KYNU: variants seen among roughly 807,000 people sequenced by gnomAD.
KYNU encodes the protein kynureninase, also known as L-kynurenine hydrolase.
KYNU carries 54 observed loss-of-function variants against 59.2 expected under a neutral mutation model. The ratio of observed to expected loss-of-function variants is 0.91; its 90% CI spans 0.73 to 1.14. The LOEUF (loss-of-function observed/expected upper bound fraction) is 1.14, where lower values mean the gene tolerates loss of function less well. KYNU is among the 50% of genes most tolerant of loss of function. The pLI, the probability that KYNU is intolerant of heterozygous loss-of-function variation, is 0.00. For missense variants in KYNU, 567 were observed against 554.4 expected (o/e 1.02, Z -0.23); for synonymous variants, 177 against 192.0 (o/e 0.92, Z 0.65).
rs1687018036 is a variant in KYNU, at chr2:143,040,622, A to C, written c.1236A>C (p.Lys412Asn). 6.2e-7 allele frequency: 1 copy of C among 1,607,616 alleles called. No homozygotes were observed. Among genetic ancestry groups the C allele is most frequent in the Non-Finnish European group, 8.5e-7 (1 of 1,176,512 alleles). The change falls in exon 13 of 14, where the codon AAA (lysine) becomes AAC (asparagine). Residue 412 changes from lysine (K) to asparagine (N), a missense_variant. Physicochemically the swap from Lys to Asn is moderately conservative, Grantham distance 94. Transcript: ENST00000264170. ...QLTITFSVPN[K>N]DVFQELEKRG... ...CAATAACATTTTCTGTTCCAAACAA[A>C]GATGTTTTCCAAGAACTAGAAAAAA...
chr2:142,992,605 G>T (rs987430098), intron 10 of KYNU, among the ~76,000 whole-genome samples: 1 of 151,520 alleles, frequency 6.6e-6, no homozygotes, highest in Admixed American at 6.6e-5. Context: ...AAGGACTTTG[G>T]ATATGTCTGT....
In KYNU at chr2:143,055,003, C is replaced by T. The variant is rs1687330231; in HGVS notation, c.*12831C>T. 6.6e-6 allele frequency: 1 copy of T among 151,668 alleles called. No individual in the cohort carries two copies. Among genetic ancestry groups the T allele is most frequent in the Admixed American group, 6.6e-5 (1 of 15,244 alleles). 9.4% of individuals were successfully genotyped at this position (151,668 alleles called of 1,614,324 possible). A position where few individuals can be genotyped will look rare whatever the true frequency, so the allele number is the denominator to read the frequency against. On this transcript the variant is annotated 3_prime_UTR_variant, in exon 14 of 14. Transcript: ENST00000264170. ...ATAATAGTATTGTGGGAGTAAGAAG[C>T]TATTCATATTTCTATATATATATAC...
chr2:143,040,611 G>T lies in KYNU; in HGVS notation c.1225G>T (p.Val409Phe). The T allele has an allele frequency of 2.5e-5, 41 of 1,610,236 alleles. No individual in the cohort carries two copies. Among genetic ancestry groups the T allele is most frequent in the Non-Finnish European group, 3.5e-5 (41 of 1,177,936 alleles). The change falls in exon 13 of 14, where the codon GTT becomes TTT. Residue 409 changes from valine (V) to phenylalanine (F), a missense_variant. By Grantham distance (50) the Val-to-Phe change is conservative. Transcript: ENST00000264170. ...GTGCCAGCTAACAATAACATTTTCT[G>T]TTCCAAACAAAGATGTTTTCCAAGA... Reference protein sequence around the residue: ...RGCQLTITFSVPNKDVFQELE... With the variant: ...RGCQLTITFSFPNKDVFQELE...
intron 5 of KYNU, 142 bp downstream of exon 5, chr2:142,955,013 T>C: frequency 1.6e-6 from 1 of 635,636 alleles, no homozygotes; most frequent in Non-Finnish European, 2.8e-6. Context: ...TAGGAAATGC[T>C]GGACCATGAT....
At chr2:142,941,191 A>G (rs1683587985) in intron 4 of KYNU, among the ~76,000 whole-genome samples, 1 of 152,204 alleles carries the variant, frequency 6.6e-6, no homozygotes. Flanking sequence ...GATGTCTCTC[A>G]GGGCCCCAAC....
intron 4 of KYNU, among the ~76,000 whole-genome samples, chr2:142,938,375 G>A (rs190286073): frequency 6.6e-6 from 1 of 152,308 alleles, no homozygotes; most frequent in East Asian, 1.9e-4. Flanking sequence ...TAGACTCAGA[G>A]ATACTCCACC....
rs1191491241 is a variant in KYNU, at chr2:143,042,331, G to A, written c.*159G>A. On this transcript the variant is annotated 3_prime_UTR_variant, in exon 14 of 14. Transcript: ENST00000264170. ...AGAAAATCTGATATAATTTTTCAGA[G>A]TCTGTGGCACTAAGGAGTCCACAGG... The A allele has an allele frequency of 1.1e-5, 9 of 797,278 alleles. No individual in the cohort carries two copies. The Admixed American group carries it at 2.3e-4, about 20-fold the overall frequency. The allele number at this position is 797,278 out of a possible 1,614,324, so 49.4% of individuals were successfully genotyped here.
intron 4 of KYNU, chr2:142,954,051 G>A (rs1684084104): frequency 6.6e-6 from 1 of 152,006 alleles, no homozygotes; most frequent in Non-Finnish European, 1.5e-5. Flanking sequence ...ACATCATAAG[G>A]ACTCAAAACA....
chr2:143,050,364 C>T lies in KYNU; in HGVS notation c.*8192C>T, dbSNP rs1046724850. On this transcript the variant is annotated 3_prime_UTR_variant, in exon 14 of 14. Transcript: ENST00000264170. ...TCCCCTCTCTGTGTCCATGTATTCT[C>T]GCCTCCCACTTATGAGTGAGAACAC... 1 of 151,894 alleles carries T rather than the reference C, an allele frequency of 6.6e-6. No individual in the cohort carries two copies. The highest frequency in any genetic ancestry group is 1.5e-5 in the Non-Finnish European group (1 of 68,006). 9.4% of individuals were successfully genotyped at this position (151,894 alleles called of 1,614,324 possible). A position where few individuals can be genotyped will look rare whatever the true frequency, so the allele number is the denominator to read the frequency against.
chr2:142,897,238 C>A (rs1425834868), intron 2 of KYNU, among the ~76,000 whole-genome samples: 2 of 152,102 alleles, frequency 1.3e-5, no homozygotes, highest in Non-Finnish European at 2.9e-5. Flanking sequence ...CTTTAAAAGC[C>A]AGTTACATTC....
At chr2:142,957,595 T>C (rs777860067) in intron 6 of KYNU, 46 bp from the exon 7 acceptor site, 2 of 1,122,828 alleles carry the variant, frequency 1.8e-6, no homozygotes, top group Non-Finnish European at 2.7e-6. Context: ...AATGTACTTC[T>C]GTGCTCTCAG....
chr2:142,890,845 T>G (rs1681687560), intron 2 of KYNU, among the ~76,000 whole-genome samples: 1 of 152,224 alleles, frequency 6.6e-6, no homozygotes, highest in East Asian at 1.9e-4. Flanking sequence ...TCTTTGAATT[T>G]GCAGTTCTTA....
At chr2:142,943,740 A>C (rs767299902) in intron 4 of KYNU, among the ~76,000 whole-genome samples, 21 of 152,146 alleles carry the variant, frequency 1.4e-4, no homozygotes, top group Non-Finnish European at 2.4e-4. Flanking sequence ...AGAAGCAATA[A>C]TCCCTGGAAG....
intron 4 of KYNU, among the ~76,000 whole-genome samples, chr2:142,931,376 G>A (rs571038361): frequency 6.6e-6 from 1 of 152,284 alleles, no homozygotes; most frequent in South Asian, 2.1e-4. Context: ...TTGAGAGACG[G>A]GTTGGTATCC....
intron 2 of KYNU, among the ~76,000 whole-genome samples, chr2:142,888,058 T>C (rs561240072): frequency 5.3e-5 from 8 of 152,336 alleles, no homozygotes; most frequent in African/African-American, 1.9e-4. Flanking sequence ...AGTTATCCAA[T>C]AGAAAGTAAC....
rs1687096536 is a variant in KYNU, at chr2:143,042,805, A to G, written c.*633A>G. ...ATTCTAAGATATTTTATCATATTTTAACATCTTTGAAAGAGGACCCATCTT... is the reference window on the plus strand; with the variant it reads ...ATTCTAAGATATTTTATCATATTTTGACATCTTTGAAAGAGGACCCATCTT... On this transcript the variant is annotated 3_prime_UTR_variant, in exon 14 of 14. Coordinates refer to ENST00000264170, the MANE Select transcript of KYNU (RefSeq NM_003937.3). 1.3e-5 allele frequency: 2 copies of G among 151,570 alleles called. No individual in the cohort carries two copies. The highest frequency in any genetic ancestry group is 4.1e-4 in the South Asian group (2 of 4,824). 9.4% of individuals were successfully genotyped at this position (151,570 alleles called of 1,614,324 possible).
chr2:143,021,718 T>A (rs1177472945), intron 10 of KYNU, among the ~76,000 whole-genome samples: 1 of 152,136 alleles, frequency 6.6e-6, no homozygotes, highest in Non-Finnish European at 1.5e-5. Flanking sequence ...AAACTATTCA[T>A]GAGAAATCCA....
chr2:142,979,783 A>C (rs1685000140), intron 8 of KYNU, among the ~76,000 whole-genome samples: 1 of 152,134 alleles, frequency 6.6e-6, no homozygotes, highest in African/African-American at 2.4e-5. Flanking sequence ...ACTCATCTAC[A>C]AAAACTTAAA....
chr2:142,946,234 C>T (rs537780202), intron 4 of KYNU, among the ~76,000 whole-genome samples: 9 of 152,018 alleles, frequency 5.9e-5, no homozygotes, highest in Non-Finnish European at 1.0e-4. Flanking sequence ...CAGGTACAAG[C>T]GACCATGCCT....
Sources: gnomAD v4.1 joint callset for allele counts (sites outside exome capture counted in the v4.1 genomes callset) on GRCh38, gnomAD v4.1.1 for gene constraint, MANE v1.5 for transcripts, NCBI Gene and HGNC (gene_info 2026-07-23, HGNC 2026-07-21) for gene names.